Variants in PTPRK observed in about 807,000 individuals in gnomAD.
PTPRK encodes the protein protein tyrosine phosphatase receptor type K, also known as receptor-type tyrosine-protein phosphatase kappa.
PTPRK carries 75 observed loss-of-function variants against 178.0 expected under a neutral mutation model. The observed-to-expected ratio is 0.42, with a 90% CI of 0.35 to 0.51. The LOEUF is 0.51. PTPRK is among the 20% of genes least tolerant of loss of function. PTPRK has a pLI of 0.02. For synonymous variants in PTPRK, 637 were observed against 620.6 expected, an observed-to-expected ratio of 1.03 and a Z score of -0.39; for missense variants, 1,441 against 1,797.8, an observed-to-expected ratio of 0.80 and a Z score of 3.59.
intron 13 of PTPRK, chr6:128,063,540 G>C (rs1325334055): frequency 1.3e-5 from 2 of 152,192 alleles, no homozygotes; most frequent in Non-Finnish European, 2.9e-5. Context: ...AAAAACACAG[G>C]TGATATAGAC....
intron 13 of PTPRK, among the ~76,000 whole-genome samples, chr6:128,012,343 A>G (rs972635982): frequency 2.6e-5 from 4 of 151,326 alleles, no homozygotes; most frequent in Non-Finnish European, 5.9e-5. Context: ...AAGATTCATT[A>G]AAGGAAATAC....
chr6:128,183,433 CTCTATCA>C (rs1802252443), intron 7 of PTPRK, among the ~76,000 whole-genome samples: 1 of 152,178 alleles, frequency 6.6e-6, no homozygotes, highest in Admixed American at 6.5e-5. Flanking sequence ...TTATTGGACT[CTCTATCA>C]TCTAAGTCTC....
chr6:128,488,429 TCAAGTTGC>T (rs2128427661), intron 1 of PTPRK, among the ~76,000 whole-genome samples: 1 of 152,214 alleles, frequency 6.6e-6, no homozygotes, highest in African/African-American at 2.4e-5. Flanking sequence ...TTCAATCCGA[TCAAGTTGC>T]CACTAGATAT....
chr6:128,147,993 A>C (rs1796728956), intron 7 of PTPRK, among the ~76,000 whole-genome samples: 1 of 152,156 alleles, frequency 6.6e-6, no homozygotes, highest in Non-Finnish European at 1.5e-5. Context: ...TGGAGAAAAA[A>C]AAACCACAGA....
chr6:128,157,159 C>G (rs1374465678), intron 7 of PTPRK, among the ~76,000 whole-genome samples: 2 of 151,956 alleles, frequency 1.3e-5, no homozygotes, highest in Non-Finnish European at 2.9e-5. Flanking sequence ...ACTAATGTGT[C>G]TGATCACAGG....
chr6:128,452,491 C>T (rs1204736513), intron 1 of PTPRK, among the ~76,000 whole-genome samples: 5 of 152,078 alleles, frequency 3.3e-5, no homozygotes, highest in Non-Finnish European at 5.9e-5. Flanking sequence ...GCTTCAATCG[C>T]TGGGGAAAAT....
intron 1 of PTPRK, among the ~76,000 whole-genome samples, chr6:128,471,045 A>G (rs187338626): frequency 3.9e-4 from 59 of 152,146 alleles, no homozygotes; most frequent in Non-Finnish European, 7.5e-4. Flanking sequence ...CTTAGAATAT[A>G]TGATAATGCC....
chr6:128,416,624 G>A (rs1251245377), intron 1 of PTPRK, among the ~76,000 whole-genome samples: 1 of 150,718 alleles, frequency 6.6e-6, no homozygotes, highest in Admixed American at 6.6e-5. Context: ...GTCCAGCTTG[G>A]GTGAAAGAGC....
rs1052072547 is a variant in PTPRK at position 128,119,801 on chromosome 6, AT to A, written c.1163-29810del. On this transcript the variant is annotated intron_variant, in intron 7 of 29. Coordinates refer to ENST00000368226, the MANE Select transcript of PTPRK (RefSeq NM_002844.4). ...AAAATATTTATGCTAGATATTCTCT[AT>A]TTTCAAATGAACCGATGGACATATT... is the stretch of plus-strand genomic sequence containing the variant. 3.9e-5 allele frequency among the ~76,000 whole-genome samples: 6 copies of A among 152,048 alleles called. No individual in the cohort carries two copies. In the East Asian group the frequency reaches 1.2e-3, roughly 29 times the overall value.
At chr6:128,208,528 G>A (rs983464933) in intron 6 of PTPRK, among the ~76,000 whole-genome samples, 3 of 152,008 alleles carry the variant, frequency 2.0e-5, no homozygotes, top group Non-Finnish European at 4.4e-5. Context: ...AGCAGTGGGG[G>A]ATATCTTTCC....
intron 7 of PTPRK, among the ~76,000 whole-genome samples, chr6:128,174,860 C>A (rs1288040207): frequency 1.4e-5 from 2 of 146,632 alleles, no homozygotes; most frequent in Non-Finnish European, 3.0e-5. Flanking sequence ...TTGTGCACAT[C>A]TATTATACAG....
At chr6:128,272,700 C>T (rs1820050864) in intron 3 of PTPRK, among the ~76,000 whole-genome samples, 1 of 152,094 alleles carries the variant, frequency 6.6e-6, no homozygotes, top group African/African-American at 2.4e-5. Context: ...ATTAAAAAGT[C>T]AGGAAACAAC....
At chr6:127,989,659 T>C (rs1329139529) in intron 21 of PTPRK, among the ~76,000 whole-genome samples, 1 of 152,124 alleles carries the variant, frequency 6.6e-6, no homozygotes, top group Non-Finnish European at 1.5e-5. Context: ...TGATCAGTAA[T>C]GTATAAAAAT....
At chr6:128,298,141 T>C (rs987786176) in intron 3 of PTPRK, among the ~76,000 whole-genome samples, 1 of 152,076 alleles carries the variant, frequency 6.6e-6, no homozygotes, top group African/African-American at 2.4e-5. Context: ...AAGAAACGTA[T>C]AAATTCCTTG....
At chr6:128,318,396 A>C (rs1202087324) in intron 3 of PTPRK, among the ~76,000 whole-genome samples, 1 of 152,214 alleles carries the variant, frequency 6.6e-6, no homozygotes, top group Admixed American at 6.5e-5. Flanking sequence ...ACAAAAACAG[A>C]AAATCTCATG....
Position 127,976,914 on chromosome 6 carries a change from G to T in PTPRK, c.3843+9C>A, listed in dbSNP as rs754336906. On this transcript the variant is annotated intron_variant, in intron 26 of 29. Coordinates refer to ENST00000368226, the MANE Select transcript of PTPRK (RefSeq NM_002844.4). ...TATAAGTACATAAAAGCAATCCATA[G>T]CCATTAACCTGGGACAAGTCGACTT... is the stretch of plus-strand genomic sequence containing the variant. 1.4e-5 allele frequency: 22 copies of T among 1,613,636 alleles called. No homozygotes were observed. Among genetic ancestry groups the T allele is most frequent in the Non-Finnish European group, 1.8e-5 (21 of 1,179,944 alleles).
At chr6:128,386,271 TTTGA>T (rs1240364186) in intron 2 of PTPRK, among the ~76,000 whole-genome samples, 9 of 152,202 alleles carry the variant, frequency 5.9e-5, no homozygotes, top group Admixed American at 1.3e-4. Flanking sequence ...GTACAAATTG[TTTGA>T]TTAAGAAGAA....
chr6:128,067,411 TTTTC>T lies in PTPRK; in HGVS notation c.2157+104_2157+107del, dbSNP rs1488297355. The T allele has an allele frequency of 6.5e-5, 83 of 1,269,074 alleles. No homozygotes were observed. The East Asian group carries it at 9.7e-4, about 15-fold the overall frequency. 78.6% of individuals were successfully genotyped at this position (1,269,074 alleles called of 1,614,324 possible). On this transcript the variant is annotated intron_variant, in intron 12 of 29. Coordinates refer to ENST00000368226, the MANE Select transcript of PTPRK (RefSeq NM_002844.4). ...GAGAACAGAACCCCCTACATGCAAA[TTTTC>T]TTTTTCTTTTTTTTTTTCTTGACGG...
At chr6:128,290,080 T>C (rs928369745) in intron 3 of PTPRK, among the ~76,000 whole-genome samples, 1 of 152,050 alleles carries the variant, frequency 6.6e-6, no homozygotes, top group African/African-American at 2.4e-5. Flanking sequence ...TGAACAAAGA[T>C]GGGAAACAAC....
Sources: gnomAD v4.1 joint callset for allele counts (sites outside exome capture counted in the v4.1 genomes callset) on GRCh38, gnomAD v4.1.1 for gene constraint, MANE v1.5 for transcripts, NCBI Gene and HGNC (gene_info 2026-07-23, HGNC 2026-07-21) for gene names.